SNTG1: variants seen among roughly 807,000 people sequenced by gnomAD.
SNTG1 encodes the protein syntrophin gamma 1.
SNTG1 carries 39 observed loss-of-function variants against 74.7 expected under a neutral mutation model. The ratio of observed to expected loss-of-function variants is 0.52; its 90% CI spans 0.40 to 0.68. The LOEUF is 0.68. Ranked by LOEUF, SNTG1 falls within the 30% of genes least tolerant of loss-of-function variation. SNTG1 has a pLI of 0.00. For synonymous variants in SNTG1, 254 were observed against 217.1 expected, an observed-to-expected ratio of 1.17 and a Z score of -1.49; for missense variants, 685 against 609.5, an observed-to-expected ratio of 1.12 and a Z score of -1.30.
chr8:49,935,579 C>T (rs1400184261), intron 1 of SNTG1, among the ~76,000 whole-genome samples: 2 of 150,914 alleles, frequency 1.3e-5, no homozygotes, highest in Non-Finnish European at 3.0e-5. Flanking sequence ...GTGACTCTAT[C>T]CAAATGCACA....
intron 13 of SNTG1, among the ~76,000 whole-genome samples, chr8:50,609,879 T>G (rs2094838073): frequency 6.6e-6 from 1 of 152,154 alleles, no homozygotes; most frequent in African/African-American, 2.4e-5. Flanking sequence ...GTCTATTTGT[T>G]GAGTCATTGC....
Position 50,121,698 on chromosome 8 carries a change from T to A in SNTG1, c.-102-50863T>A, listed in dbSNP as rs937134507. Among the ~76,000 whole-genome samples, 33 of 141,418 alleles carry A rather than the reference T, an allele frequency of 2.3e-4. 6 individuals are homozygous for A. The highest frequency in any genetic ancestry group is 7.7e-4 in the African/African-American group (30 of 39,046). The allele number at this position is 141,418 out of a possible 152,430, so 92.8% of individuals were successfully genotyped here. ...CTGTACCAAAAAAATAGAATGAATT[T>A]TAAATCATGAAAATAAGCCAAACTT... On this transcript the variant is annotated intron_variant, in intron 1 of 18. Transcript: ENST00000642720.
At chr8:50,602,549 C>T (rs1219750478) in intron 13 of SNTG1, among the ~76,000 whole-genome samples, 1 of 152,138 alleles carries the variant, frequency 6.6e-6, no homozygotes. Flanking sequence ...ACCACAATTA[C>T]AGTGTTATAA....
At chr8:50,391,689 T>A (rs2092663183) in intron 2 of SNTG1, among the ~76,000 whole-genome samples, 1 of 152,194 alleles carries the variant, frequency 6.6e-6, no homozygotes, top group Non-Finnish European at 1.5e-5. Flanking sequence ...CGGCTGTGAA[T>A]CCATCTGCTC....
At chr8:50,426,197 G>A (rs2093161387) in intron 4 of SNTG1, among the ~76,000 whole-genome samples, 3 of 152,156 alleles carry the variant, frequency 2.0e-5, no homozygotes, top group South Asian at 2.1e-4. Flanking sequence ...GTCCAGGATC[G>A]CATCCAGGAC....
chr8:49,916,380 C>T (rs1191547141), intron 1 of SNTG1, among the ~76,000 whole-genome samples: 5 of 151,992 alleles, frequency 3.3e-5, no homozygotes, highest in Admixed American at 6.6e-5. Flanking sequence ...CATTTTGGGT[C>T]TCCTGAATTT....
intron 12 of SNTG1, 35 bp from the exon 13 acceptor site, chr8:50,590,844 T>A: frequency 7.1e-7 from 1 of 1,409,136 alleles, no homozygotes; most frequent in Non-Finnish European, 9.8e-7. Flanking sequence ...CCATCTATTG[T>A]TCTTCTCACT....
At chr8:50,764,010 C>A (rs2095607059) in intron 18 of SNTG1, among the ~76,000 whole-genome samples, 1 of 149,878 alleles carries the variant, frequency 6.7e-6, no homozygotes, top group African/African-American at 2.5e-5. Flanking sequence ...AATAGAGAGG[C>A]CAGAAAAGAA....
intron 15 of SNTG1, among the ~76,000 whole-genome samples, chr8:50,681,019 C>T (rs1489581445): frequency 6.6e-6 from 1 of 151,994 alleles, no homozygotes; most frequent in Non-Finnish European, 1.5e-5. Context: ...AGGAGAAATG[C>T]TTTCAAGTAA....
intron 2 of SNTG1, among the ~76,000 whole-genome samples, chr8:50,321,014 A>G (rs936299990): frequency 6.6e-6 from 1 of 152,022 alleles, no homozygotes; most frequent in Non-Finnish European, 1.5e-5. Flanking sequence ...GTTCTGTAAC[A>G]TTACACGAAA....
rs141566815 is a variant in SNTG1, at chr8:50,038,694, T to C, written c.-103+126463T>C. On this transcript the variant is annotated intron_variant, in intron 1 of 18. Coordinates refer to ENST00000642720, the MANE Select transcript of SNTG1 (RefSeq NM_018967.5). ...ATAAAAATCCTAAAAAGGATAATTC[T>C]AGACACAAAAATCCTAATGACCAAA... Among the ~76,000 whole-genome samples the C allele has an allele frequency of 5.3e-3, 804 of 152,312 alleles. 11 individuals carry two copies. Among genetic ancestry groups the C allele is most frequent in the African/African-American group, 0.018 (759 of 41,558 alleles).
chr8:50,548,856 C>A (rs1011963162), intron 11 of SNTG1, among the ~76,000 whole-genome samples: 1 of 152,128 alleles, frequency 6.6e-6, no homozygotes, highest in Non-Finnish European at 1.5e-5. Flanking sequence ...TTAACGGATT[C>A]TTCAGTTGTT....
chr8:50,607,850 A>AT (rs999122547), intron 13 of SNTG1, among the ~76,000 whole-genome samples: 66 of 151,568 alleles, frequency 4.4e-4, no homozygotes, highest in African/African-American at 1.5e-3. Context: ...AAAGGTATGA[A>AT]TTTTTTCTGA....
At chr8:50,020,797 G>C (rs1397241976) in intron 1 of SNTG1, among the ~76,000 whole-genome samples, 1 of 152,016 alleles carries the variant, frequency 6.6e-6, no homozygotes, top group Non-Finnish European at 1.5e-5. Flanking sequence ...AATGCACCTT[G>C]GATTTTTTAC....
intron 1 of SNTG1, among the ~76,000 whole-genome samples, chr8:50,159,708 T>C (rs1433434289): frequency 6.6e-6 from 1 of 152,182 alleles, no homozygotes; most frequent in Non-Finnish European, 1.5e-5. Flanking sequence ...TGTACTTGAG[T>C]ATTTGACTCT....
intron 15 of SNTG1, among the ~76,000 whole-genome samples, chr8:50,671,143 C>A (rs1483919639): frequency 6.6e-6 from 1 of 151,990 alleles, no homozygotes; most frequent in Non-Finnish European, 1.5e-5. Flanking sequence ...GCAAGGACTT[C>A]ATGTCTAAAA....
intron 2 of SNTG1, among the ~76,000 whole-genome samples, chr8:50,356,464 A>C (rs1268833732): frequency 6.6e-6 from 1 of 152,150 alleles, no homozygotes; most frequent in Non-Finnish European, 1.5e-5. Context: ...GTCTTAGTCC[A>C]TTTGTGCTGC....
At chr8:50,118,146 T>C (rs960298800) in intron 1 of SNTG1, among the ~76,000 whole-genome samples, 2 of 152,166 alleles carry the variant, frequency 1.3e-5, no homozygotes, top group Admixed American at 1.3e-4. Context: ...ATGATTTGTT[T>C]ATTAACCTTA....
At chr8:50,082,117 T>C (rs1437538589) in intron 1 of SNTG1, among the ~76,000 whole-genome samples, 1 of 152,234 alleles carries the variant, frequency 6.6e-6, no homozygotes, top group East Asian at 1.9e-4. Context: ...TTTTTCTTAA[T>C]AATGCCTATG....
Sources: gnomAD v4.1 joint callset for allele counts (sites outside exome capture counted in the v4.1 genomes callset) on GRCh38, gnomAD v4.1.1 for gene constraint, MANE v1.5 for transcripts, NCBI Gene and HGNC (gene_info 2026-07-23, HGNC 2026-07-21) for gene names.